The following DOP1B variants were observed in gnomAD, a reference collection of about 807,000 sequenced individuals.
DOP1B encodes the protein protein DOP1B.
In DOP1B, 174 loss-of-function variants were observed where a neutral mutation model predicts 233.5. The observed-to-expected ratio is 0.75, with a 90% CI of 0.66 to 0.85. The LOEUF is 0.85. Ranked by LOEUF, DOP1B falls within the 40% of genes least tolerant of loss-of-function variation. DOP1B has a pLI of 0.00. For synonymous variants in DOP1B, 1,190 were observed against 1,185.6 expected (o/e 1.00, Z -0.08); for missense variants, 2,652 against 2,846.6 (o/e 0.93, Z 1.56).
chr21:36,245,667 G>T lies in DOP1B; in HGVS notation c.3687G>T (p.Leu1229=). 6.2e-7 allele frequency: 1 copy of T among 1,613,632 alleles called. No homozygotes were observed. Residue 1229 remains leucine, a synonymous_variant, in exon 19 of 37, where the codon CTG becomes CTT. Transcript: ENST00000691173. This position sits in a 1 kb window ranked among gnomAD's most constrained non-coding sequence, Gnocchi z 5.5. ...TCGAGGCCTTGTTCAAGCACATCCT[G>T]CTCTACCTGCAGCCCTACGACTCTC... ...EAVEALFKHI[L]LYLQPYDSRR... is the part of the protein sequence containing the mutation.
Position 36,218,986 on chromosome 21 carries a change from G to A in DOP1B, c.1130-386G>A, listed in dbSNP as rs567417636. 3.9e-5 allele frequency among the ~76,000 whole-genome samples: 6 copies of A among 152,330 alleles called. No individual in the cohort carries two copies. The South Asian group carries it at 8.3e-4, about 21-fold the overall frequency. On this transcript the variant is annotated intron_variant, in intron 9 of 36. Coordinates refer to ENST00000691173, the MANE Select transcript of DOP1B (RefSeq NM_001320714.2). Reference sequence around the variant, plus strand: ...AGCAGTTTATGCACACTTAACACACGTAGTCTGCGCTCTGCCTCTATCTAG... The same window carrying A: ...AGCAGTTTATGCACACTTAACACACATAGTCTGCGCTCTGCCTCTATCTAG...
chr21:36,187,099 C>T (rs1326558429), intron 2 of DOP1B, among the ~76,000 whole-genome samples: 1 of 139,212 alleles, frequency 7.2e-6, no homozygotes, highest in Non-Finnish European at 1.6e-5. Context: ...AATGTCATTC[C>T]CCCAGCAGAC....
chr21:36,266,190 T>A lies in DOP1B; in HGVS notation c.5487+2376T>A, dbSNP rs368437795. 3.3e-5 allele frequency among the ~76,000 whole-genome samples: 5 copies of A among 152,186 alleles called. No homozygotes were observed. The East Asian group carries it at 5.8e-4, about 18-fold the overall frequency. ...GTTTATTTTATTTATTTATTTATTT[T>A]TTTGAGACAGAGTCTTGCTCTTGTT... is the stretch of plus-strand genomic sequence containing the variant. On this transcript the variant is annotated intron_variant, in intron 26 of 36. Transcript: ENST00000691173.
At chr21:36,186,591 G>A (rs2066168376) in intron 2 of DOP1B, among the ~76,000 whole-genome samples, 1 of 152,098 alleles carries the variant, frequency 6.6e-6, no homozygotes, top group Admixed American at 6.6e-5. Flanking sequence ...ACCAGCTTAT[G>A]AGTAGGTGAT....
At chr21:36,267,825 A>T (rs1199298228) in intron 26 of DOP1B, among the ~76,000 whole-genome samples, 1 of 151,964 alleles carries the variant, frequency 6.6e-6, no homozygotes, top group African/African-American at 2.4e-5. Context: ...TGCCCTCCTG[A>T]GCCTCAAACC....
intron 15 of DOP1B, among the ~76,000 whole-genome samples, chr21:36,234,003 G>C (rs2066797689): frequency 6.6e-6 from 1 of 152,014 alleles, no homozygotes; most frequent in African/African-American, 2.4e-5. Flanking sequence ...ACAGGCACCT[G>C]CCACCACACC....
chr21:36,278,616 C>G (rs1462279395), intron 30 of DOP1B, among the ~76,000 whole-genome samples: 5 of 152,112 alleles, frequency 3.3e-5, no homozygotes, highest in Admixed American at 6.6e-5. Context: ...GCCTGTAATC[C>G]CAGCATTTTG....
intron 2 of DOP1B, among the ~76,000 whole-genome samples, chr21:36,183,344 T>C (rs2066123500): frequency 6.6e-6 from 1 of 152,224 alleles, no homozygotes; most frequent in Non-Finnish European, 1.5e-5. Flanking sequence ...ACCACTGCTG[T>C]AGACCTTTGG....
intron 2 of DOP1B, among the ~76,000 whole-genome samples, chr21:36,189,970 A>G (rs557684651): frequency 6.9e-6 from 1 of 144,192 alleles, no homozygotes; most frequent in African/African-American, 2.6e-5. Context: ...AGATCACACT[A>G]CTGCACTCCA....
chr21:36,228,810 A>C (rs2066724292), intron 13 of DOP1B, among the ~76,000 whole-genome samples: 1 of 135,918 alleles, frequency 7.4e-6, no homozygotes, highest in Non-Finnish European at 1.5e-5. Flanking sequence ...AAATAAAATA[A>C]AATAAAATAA....
chr21:36,268,282 A>G (rs1158062766), intron 26 of DOP1B, among the ~76,000 whole-genome samples: 3 of 152,172 alleles, frequency 2.0e-5, no homozygotes, highest in Non-Finnish European at 2.9e-5. Flanking sequence ...TGCTAGGAAA[A>G]GAATTTAGCG....
Position 36,245,804 on chromosome 21 carries a change from T to C in DOP1B, c.3824T>C (p.Leu1275Pro). Residue 1275 changes from leucine (L) to proline (P), a missense_variant, in exon 19 of 37, where the codon CTC becomes CCC. This residue lies in a region of DOP1B where 2,617 missense variants were observed against 2,794.3 expected (regional missense o/e 0.94). Coordinates refer to ENST00000691173, the MANE Select transcript of DOP1B (RefSeq NM_001320714.2). The surrounding 1 kb of genome is among the most constrained non-coding windows in gnomAD (Gnocchi z 5.5). Reference sequence around the variant, plus strand: ...ATGGATACCAGCTCCACCGCGCACCTCAACCTCATCTCCAACCTCCTCGCT... The same window carrying C: ...ATGGATACCAGCTCCACCGCGCACCCCAACCTCATCTCCAACCTCCTCGCT... Reference protein sequence around the residue: ...TSMDTSSTAHLNLISNLLARH... With the variant: ...TSMDTSSTAHPNLISNLLARH... 6.2e-7 allele frequency: 1 copy of C among 1,613,660 alleles called. No individual in the cohort carries two copies. The highest frequency in any genetic ancestry group is 8.5e-7 in the Non-Finnish European group (1 of 1,179,950).
chr21:36,165,767 G>A (rs933529038), intron 2 of DOP1B, among the ~76,000 whole-genome samples: 1 of 148,940 alleles, frequency 6.7e-6, no homozygotes, highest in Admixed American at 6.8e-5. Context: ...CCAGGTTGGA[G>A]TGCAATGGCG....
At chr21:36,200,066 G>A (rs367987911) in intron 3 of DOP1B, among the ~76,000 whole-genome samples, 20 of 152,180 alleles carry the variant, frequency 1.3e-4, no homozygotes, top group African/African-American at 4.8e-4. Flanking sequence ...GTGTGAAAGT[G>A]TTCCTATTTC....
chr21:36,221,994 C>T (rs1268398013), intron 10 of DOP1B, among the ~76,000 whole-genome samples: 2 of 152,138 alleles, frequency 1.3e-5, no homozygotes. Flanking sequence ...GCCTCAGCCT[C>T]CCGAGTAGCT....
chr21:36,253,935 G>T, intron 23 of DOP1B, 26 bp downstream of exon 23: 1 of 1,606,590 alleles, frequency 6.2e-7, no homozygotes, highest in Non-Finnish European at 8.5e-7. Context: ...AAGCCTCTGG[G>T]CTTCTGCAGA....
intron 1 of DOP1B, among the ~76,000 whole-genome samples, chr21:36,163,558 C>A (rs1279962991): frequency 6.6e-6 from 1 of 152,120 alleles, no homozygotes; most frequent in East Asian, 1.9e-4. Flanking sequence ...TGACTACATC[C>A]AACTTGTTTA....
At position 36,263,584 on chromosome 21, in the gene DOP1B, T is replaced by C; in HGVS notation, c.5354T>C (p.Leu1785Pro). 6.2e-7 allele frequency: 1 copy of C among 1,614,250 alleles called. No individual in the cohort carries two copies. Among genetic ancestry groups the C allele is most frequent in the Non-Finnish European group, 8.5e-7 (1 of 1,180,050 alleles). Residue 1785 changes from leucine to proline, a missense_variant, in exon 25 of 37, where the codon CTG becomes CCG. Transcript: ENST00000691173. ...GCCTTGCAAGAGAACTTTTCTTCAC[T>C]GTTGGGAGTATTGAAAGAGTCTGTA... Reference protein sequence around the residue: ...VPALQENFSSLLGVLKESVQL... With the variant: ...VPALQENFSSPLGVLKESVQL...
At chr21:36,177,114 T>A (rs975523723) in intron 2 of DOP1B, among the ~76,000 whole-genome samples, 1 of 152,164 alleles carries the variant, frequency 6.6e-6, no homozygotes, top group Non-Finnish European at 1.5e-5. Context: ...TGCCCAGTCC[T>A]AACTCCCATT....
Sources: gnomAD v4.1 joint callset for allele counts (sites outside exome capture counted in the v4.1 genomes callset) on GRCh38, gnomAD v4.1.1 for gene constraint, gnomAD v4.1.1 regional missense constraint, Gnocchi (gnomAD v3.1) non-coding constraint, MANE v1.5 for transcripts, NCBI Gene and HGNC (gene_info 2026-07-23, HGNC 2026-07-21) for gene names.